The following ZNF385D variants were observed in gnomAD, a reference collection of about 807,000 sequenced individuals.
ZNF385D encodes zinc finger protein 385D.
Under a neutral mutation model 35.8 loss-of-function variants are expected in ZNF385D, and 15 were observed. The observed-to-expected ratio is 0.42, with a 90% CI of 0.28 to 0.64. The LOEUF (loss-of-function observed/expected upper bound fraction) is 0.64. Among genes scored for constraint, ZNF385D ranks in the 30% least tolerant of loss-of-function variants. The probability of loss-of-function intolerance (pLI) is 0.23; values close to 1 mark genes in which losing one functional copy is unlikely to be tolerated. For synonymous variants in ZNF385D, 212 were observed against 186.8 expected (o/e 1.13, Z -1.10); for missense variants, 474 against 494.6 (o/e 0.96, Z 0.39).
At chr3:21,959,385 C>T (rs1057213275) in intron 3 of ZNF385D, among the ~76,000 whole-genome samples, 6 of 151,774 alleles carry the variant, frequency 4.0e-5, no homozygotes, top group African/African-American at 7.3e-5. Flanking sequence ...CCAGCCAAAA[C>T]GGTAAGAGAA....
chr3:21,918,898 A>G (rs997466468), intron 3 of ZNF385D, among the ~76,000 whole-genome samples: 49 of 152,170 alleles, frequency 3.2e-4, no homozygotes, highest in Non-Finnish European at 1.0e-4. Context: ...GTTACTCATT[A>G]GCTTCAAGGT....
intron 2 of ZNF385D, among the ~76,000 whole-genome samples, chr3:21,648,584 A>G (rs1327350882): frequency 1.3e-5 from 2 of 152,188 alleles, no homozygotes; most frequent in Admixed American, 6.5e-5. Context: ...ATAAACATTG[A>G]TAACAACTGG....
At position 22,131,070 on chromosome 3, in the gene ZNF385D, A is replaced by G. The variant is rs190079641; in HGVS notation, c.325+37747T>C. On this transcript the variant is annotated intron_variant, in intron 3 of 5. Coordinates refer to the ZNF385D transcript ENST00000494108. ...CGGAGAAAATCTATAAGATAACACA[A>G]TAAAACAAAATAACAGTTAAATTCA... 2.0e-5 allele frequency among the ~76,000 whole-genome samples: 3 copies of G among 152,322 alleles called. No homozygotes were observed. In the East Asian group the frequency reaches 5.8e-4, roughly 29 times the overall value.
At chr3:21,588,464 T>C (rs1345112685) in intron 2 of ZNF385D, among the ~76,000 whole-genome samples, 2 of 152,048 alleles carry the variant, frequency 1.3e-5, no homozygotes, top group East Asian at 3.9e-4. Context: ...AATAGAAGAA[T>C]GTATGAAAAA....
chr3:22,307,738 C>T (rs529648674), intron 2 of ZNF385D, among the ~76,000 whole-genome samples: 66 of 124,954 alleles, frequency 5.3e-4, no homozygotes, highest in African/African-American at 1.6e-3. Flanking sequence ...AATTTATTGC[C>T]TCTGTTTTAA....
chr3:21,751,181 T>C lies in ZNF385D; in HGVS notation c.-265A>G. The C allele has an allele frequency of 7.2e-7, 1 of 1,385,674 alleles. No homozygotes were observed. The highest frequency in any genetic ancestry group is 9.4e-7 in the Non-Finnish European group (1 of 1,068,808). The allele number at this position is 1,385,674 out of a possible 1,614,324, so 85.8% of individuals were successfully genotyped here. A position where few individuals can be genotyped will look rare whatever the true frequency, so the allele number is the denominator to read the frequency against. Reference sequence around the variant, plus strand: ...ACTGTAATCCGACTCCTCCTTGCGATGTCCTTGCCGCGCCTGTGACATCAG... The same window carrying C: ...ACTGTAATCCGACTCCTCCTTGCGACGTCCTTGCCGCGCCTGTGACATCAG... On this transcript the variant is annotated 5_prime_UTR_variant, in exon 1 of 8. Transcript: ENST00000281523.
intron 3 of ZNF385D, among the ~76,000 whole-genome samples, chr3:22,123,962 CTATATATATA>C (rs71044974): frequency 0.027 from 1,649 of 61,774 alleles, 52 homozygotes; most frequent in East Asian, 0.13. Context: ...CTCTCTCTCT[CTATATATATA>C]TATATATATA....
intron 3 of ZNF385D, among the ~76,000 whole-genome samples, chr3:21,942,922 T>G (rs1701589588): frequency 6.6e-6 from 1 of 152,194 alleles, no homozygotes; most frequent in Non-Finnish European, 1.5e-5. Context: ...TATTTTAAAG[T>G]TATCACTTAT....
intron 3 of ZNF385D, among the ~76,000 whole-genome samples, chr3:22,020,946 A>T (rs955959854): frequency 2.6e-5 from 4 of 152,116 alleles, no homozygotes; most frequent in African/African-American, 4.8e-5. Flanking sequence ...ATTAATCCAT[A>T]AAAAAGATGA....
At chr3:21,554,258 AAAC>A (rs1324890196) in intron 3 of ZNF385D, among the ~76,000 whole-genome samples, 3 of 152,226 alleles carry the variant, frequency 2.0e-5, no homozygotes, top group Non-Finnish European at 2.9e-5. Context: ...GCAGGCATAA[AAAC>A]AACATGAATC....
chr3:22,082,572 C>A (rs757265754), intron 3 of ZNF385D, among the ~76,000 whole-genome samples: 1 of 152,174 alleles, frequency 6.6e-6, no homozygotes, highest in African/African-American at 2.4e-5. Context: ...ATAGAGCCCA[C>A]CACAACTCAA....
chr3:22,162,463 TA>T (rs1415834436), intron 3 of ZNF385D, among the ~76,000 whole-genome samples: 2 of 152,110 alleles, frequency 1.3e-5, no homozygotes, highest in African/African-American at 4.8e-5. Flanking sequence ...GACTAAAATC[TA>T]ACCATTTTGA....
At chr3:22,042,072 A>G (rs1367265590) in intron 3 of ZNF385D, among the ~76,000 whole-genome samples, 1 of 152,134 alleles carries the variant, frequency 6.6e-6, no homozygotes, top group East Asian at 1.9e-4. Flanking sequence ...TACTTCCTAA[A>G]TATGTTACTG....
chr3:22,160,594 G>T (rs1705881784), intron 3 of ZNF385D, among the ~76,000 whole-genome samples: 1 of 152,012 alleles, frequency 6.6e-6, no homozygotes. Context: ...GTGAGAACTA[G>T]AAATTAAAAT....
At chr3:21,742,551 T>G (rs533094039) in intron 1 of ZNF385D, among the ~76,000 whole-genome samples, 2 of 152,296 alleles carry the variant, frequency 1.3e-5, no homozygotes, top group Admixed American at 1.3e-4. Flanking sequence ...TCAGTCGGCC[T>G]CGGCTCAGTT....
chr3:22,233,911 A>C (rs941162769), intron 2 of ZNF385D, among the ~76,000 whole-genome samples: 2 of 152,050 alleles, frequency 1.3e-5, no homozygotes, highest in African/African-American at 2.4e-5. Context: ...TTAAAGTTTT[A>C]ATCATTCTTT....
intron 1 of ZNF385D, among the ~76,000 whole-genome samples, chr3:21,750,028 T>C (rs1276162323): frequency 1.3e-5 from 2 of 152,258 alleles, no homozygotes; most frequent in Admixed American, 1.3e-4. Context: ...CCTTAAATGA[T>C]GACGCCAGAT....
At chr3:22,011,521 A>G (rs1268879089) in intron 3 of ZNF385D, among the ~76,000 whole-genome samples, 3 of 152,134 alleles carry the variant, frequency 2.0e-5, no homozygotes, top group Admixed American at 2.0e-4. Context: ...GAAAAGAGAA[A>G]CATAGTAATA....
chr3:21,659,917 T>C (rs973168282), intron 2 of ZNF385D, among the ~76,000 whole-genome samples: 2 of 152,148 alleles, frequency 1.3e-5, no homozygotes, highest in Admixed American at 6.6e-5. Context: ...TCTGTACTTT[T>C]AACATGATTA....
Sources: gnomAD v4.1 joint callset for allele counts (sites outside exome capture counted in the v4.1 genomes callset) on GRCh38, gnomAD v4.1.1 for gene constraint, MANE v1.5 for transcripts, NCBI Gene and HGNC (gene_info 2026-07-23, HGNC 2026-07-21) for gene names.